Variants in ITGA9 observed in about 807,000 individuals in gnomAD.
The protein encoded by ITGA9 is integrin subunit alpha 9, also known as integrin alpha-9.
Under a neutral mutation model 127.8 loss-of-function variants are expected in ITGA9, and 56 were observed. That is an observed-to-expected ratio of 0.44 (90% CI 0.35 to 0.55). ITGA9 has a LOEUF of 0.55. Ranked by LOEUF, ITGA9 falls within the 20% of genes least tolerant of loss-of-function variation. ITGA9 has a pLI of 0.00. For synonymous variants in ITGA9, 508 were observed against 514.5 expected, an observed-to-expected ratio of 0.99 and a Z score of 0.17; for missense variants, 1,196 against 1,347.1, an observed-to-expected ratio of 0.89 and a Z score of 1.76.
chr3:37,684,991 T>C lies in ITGA9; in HGVS notation c.2067+976T>C, dbSNP rs900526204. 5.3e-5 allele frequency among the ~76,000 whole-genome samples: 8 copies of C among 152,248 alleles called. No individual in the cohort carries two copies. In the East Asian group the frequency reaches 1.5e-3, roughly 29 times the overall value. On this transcript the variant is annotated intron_variant, in intron 18 of 27. Transcript: ENST00000264741. ...ACAAGGGGGAACAAGTGGACAAAAG[T>C]CGACTCTGCTCTACCCAGTGTTGCT...
At chr3:37,574,534 A>C (rs1200771906) in intron 15 of ITGA9, among the ~76,000 whole-genome samples, 2 of 152,224 alleles carry the variant, frequency 1.3e-5, no homozygotes, top group Admixed American at 6.5e-5. Context: ...TCTGAAATTA[A>C]AACTTATGGT....
intron 15 of ITGA9, among the ~76,000 whole-genome samples, chr3:37,552,028 G>C (rs576050691): frequency 6.6e-6 from 1 of 152,232 alleles, no homozygotes; most frequent in East Asian, 1.9e-4. Flanking sequence ...AATGAAAGTC[G>C]TGTTTGGGTG....
chr3:37,742,499 C>T, intron 21 of ITGA9, among the ~76,000 whole-genome samples: 1 of 152,154 alleles, frequency 6.6e-6, no homozygotes. Flanking sequence ...TCAACCAAAG[C>T]CCCAGCTTGG....
At chr3:37,524,096 T>C (rs940462339) in intron 12 of ITGA9, among the ~76,000 whole-genome samples, 4 of 152,148 alleles carry the variant, frequency 2.6e-5, no homozygotes, top group African/African-American at 9.7e-5. Flanking sequence ...ACCTTCACCA[T>C]TCAATGCTGG....
At chr3:37,498,109 G>A (rs1210952015) in intron 5 of ITGA9, among the ~76,000 whole-genome samples, 1 of 152,212 alleles carries the variant, frequency 6.6e-6, no homozygotes, top group East Asian at 1.9e-4. Flanking sequence ...GGTGCCTCTG[G>A]TGAAAAGGGG....
chr3:37,604,851 A>G (rs911057711), intron 15 of ITGA9, among the ~76,000 whole-genome samples: 4 of 152,154 alleles, frequency 2.6e-5, no homozygotes, highest in Non-Finnish European at 4.4e-5. Flanking sequence ...CTCCCCTTCC[A>G]TGAAAGTTCT....
At position 37,756,360 on chromosome 3, in the gene ITGA9, A is replaced by C. The variant is rs191104898; in HGVS notation, c.2541+5791A>C. On this transcript the variant is annotated intron_variant, in intron 23 of 27. Transcript: ENST00000264741. ...ACCAACAACACAGCTTTAACCATAGAAACACAAAAAGAAATTGACACATTC... is the reference window on the plus strand; with the variant it reads ...ACCAACAACACAGCTTTAACCATAGCAACACAAAAAGAAATTGACACATTC... 2.0e-5 allele frequency among the ~76,000 whole-genome samples: 3 copies of C among 152,324 alleles called. No homozygotes were observed. The East Asian group carries it at 5.8e-4, about 29-fold the overall frequency.
At chr3:37,499,393 C>A (rs541258649) in intron 5 of ITGA9, among the ~76,000 whole-genome samples, 1 of 152,202 alleles carries the variant, frequency 6.6e-6, no homozygotes, top group Non-Finnish European at 1.5e-5. Flanking sequence ...CTACATACCC[C>A]GGTTCCTCTA....
Position 37,629,546 on chromosome 3 carries a change from C to G in ITGA9, c.1839+210C>G. On this transcript the variant is annotated intron_variant, in intron 16 of 27. Coordinates refer to ENST00000264741, the MANE Select transcript of ITGA9 (RefSeq NM_002207.3). This position sits in a 1 kb window ranked among gnomAD's most constrained non-coding sequence, Gnocchi z 4.5. ...TTGTGACTACTGTGGGACTTAAACA[C>G]TTTCAGACAATTCTCAGGCTGTTAG... The G allele has an allele frequency of 1.5e-6, 1 of 648,890 alleles. No homozygotes were observed. The highest frequency in any genetic ancestry group is 2.7e-6 in the Non-Finnish European group (1 of 366,142). 40.2% of individuals were successfully genotyped at this position (648,890 alleles called of 1,614,324 possible). A position where few individuals can be genotyped will look rare whatever the true frequency, so the allele number is the denominator to read the frequency against.
Position 37,777,395 on chromosome 3 carries a change from G to A in ITGA9, c.2545G>A (p.Gly849Ser), listed in dbSNP as rs1439111978. 1.2e-6 allele frequency: 2 copies of A among 1,613,904 alleles called. No individual in the cohort carries two copies. The highest frequency in any genetic ancestry group is 1.3e-5 in the African/African-American group (1 of 74,876). Residue 849 changes from glycine to serine, a missense_variant, in exon 24 of 28, where the codon GGC (glycine) becomes AGC (serine). By Grantham distance (56) the Gly-to-Ser change is moderately conservative. Coordinates refer to ENST00000264741, the MANE Select transcript of ITGA9 (RefSeq NM_002207.3). ...ACAGGCCTCTTTTCATTTGCAGGTG[G>A]GCCAAGAGAAGGGAAACTGCTCTTT... Reference protein sequence around the residue: ...EMFHVQEMVVGQEKGNCSFQK... With the variant: ...EMFHVQEMVVSQEKGNCSFQK...
rs1474036946 is a variant in ITGA9, at chr3:37,818,898, T to G, written c.3017T>G (p.Phe1006Cys). The change falls in exon 28 of 28, where the codon TTC becomes TGC. Residue 1006 changes from phenylalanine (F) to cysteine (C), a missense_variant. Phe to Cys is a radical substitution (Grantham distance 205, BLOSUM62 -2). Coordinates refer to ENST00000264741, the MANE Select transcript of ITGA9 (RefSeq NM_002207.3). Reference protein sequence around the residue: ...LLAVLLWKMGFFRRRYKEIIE... With the variant: ...LLAVLLWKMGCFRRRYKEIIE... ...TTTCTTTCTGCCTTTCAGATGGGCT[T>G]CTTTCGCCGAAGGTACAAAGAAATT... The G allele has an allele frequency of 6.2e-7, 1 of 1,613,422 alleles. No individual in the cohort carries two copies. The highest frequency in any genetic ancestry group is 8.5e-7 in the Non-Finnish European group (1 of 1,179,358).
At chr3:37,470,175 T>G (rs1470782799) in intron 1 of ITGA9, among the ~76,000 whole-genome samples, 1 of 145,092 alleles carries the variant, frequency 6.9e-6, no homozygotes, top group Non-Finnish European at 1.5e-5. Flanking sequence ...CATATGCAGC[T>G]TTGAACATTT....
chr3:37,641,448 C>CA (rs1471407778), intron 16 of ITGA9, among the ~76,000 whole-genome samples: 3 of 152,114 alleles, frequency 2.0e-5, no homozygotes, highest in African/African-American at 7.2e-5. Flanking sequence ...GTGTCAGGCC[C>CA]AAAGATGCCT....
At chr3:37,748,973 C>T in intron 22 of ITGA9, 1 of 535,624 alleles carries the variant, frequency 1.9e-6, no homozygotes, top group Non-Finnish European at 3.3e-6. Flanking sequence ...ATCCTTAACC[C>T]ATTGACATAG....
chr3:37,472,071 AT>A (rs1698437171), intron 2 of ITGA9, among the ~76,000 whole-genome samples: 1 of 152,146 alleles, frequency 6.6e-6, no homozygotes, highest in Non-Finnish European at 1.5e-5. Flanking sequence ...AGATAAAAAA[AT>A]AAAATAAAAG....
chr3:37,470,861 C>T, intron 1 of ITGA9, 146 bp from the exon 2 acceptor site: 1 of 802,334 alleles, frequency 1.2e-6, no homozygotes, highest in Non-Finnish European at 2.1e-6. Flanking sequence ...AGGACCTCTC[C>T]CCCAAGCCCA....
chr3:37,803,845 A>G lies in ITGA9; in HGVS notation c.2912A>G (p.Asn971Ser). 6.2e-7 allele frequency: 1 copy of G among 1,614,156 alleles called. No individual in the cohort carries two copies. Among genetic ancestry groups the G allele is most frequent in the Non-Finnish European group, 8.5e-7 (1 of 1,180,020 alleles). Residue 971 changes from asparagine to serine, a missense_variant, in exon 27 of 28, where the codon AAT becomes AGT. Transcript: ENST00000264741. ...TAGGTGGTCTTCGAGGCCCTGCACA[A>G]TCTGGAGCCCCGTGGCTACGTCGTG... ...EVTVVFEALH[N>S]LEPRGYVVGW...
chr3:37,600,466 C>T (rs1699912191), intron 15 of ITGA9, among the ~76,000 whole-genome samples: 1 of 152,138 alleles, frequency 6.6e-6, no homozygotes, highest in Admixed American at 6.5e-5. Context: ...CACACATACT[C>T]TTTGTTTTTC....
chr3:37,502,936 C>A (rs1325739677), intron 5 of ITGA9, among the ~76,000 whole-genome samples: 1 of 152,136 alleles, frequency 6.6e-6, no homozygotes, highest in Non-Finnish European at 1.5e-5. Flanking sequence ...AGGGGCCTGG[C>A]CTGTCGTGAA....
Sources: allele counts gnomAD v4.1 joint callset (sites outside exome capture counted in the v4.1 genomes callset), GRCh38; gene constraint gnomAD v4.1.1; non-coding constraint Gnocchi (gnomAD v3.1); transcripts MANE v1.5; gene names NCBI Gene and HGNC (gene_info 2026-07-23, HGNC 2026-07-21).